PPP2R2B: variants seen among roughly 807,000 people sequenced by gnomAD.
The protein encoded by PPP2R2B is serine/threonine-protein phosphatase 2A 55 kDa regulatory subunit B beta isoform.
Under a neutral mutation model 46.0 loss-of-function variants are expected in PPP2R2B, and 5 were observed. The observed-to-expected ratio is 0.11, with a 90% CI of 0.06 to 0.23. The LOEUF (loss-of-function observed/expected upper bound fraction) is 0.23. PPP2R2B is among the 10% of genes least tolerant of loss of function. The pLI is 1.00. For synonymous variants in PPP2R2B, 215 were observed against 206.7 expected, an observed-to-expected ratio of 1.04 and a Z score of -0.34; for missense variants, 367 against 575.0, an observed-to-expected ratio of 0.64 and a Z score of 3.70.
At chr5:146,703,860 T>A (rs977895543) in intron 2 of PPP2R2B, among the ~76,000 whole-genome samples, 1 of 152,204 alleles carries the variant, frequency 6.6e-6, no homozygotes, top group Non-Finnish European at 1.5e-5. Flanking sequence ...ATGCTATGTC[T>A]CCCTCAAGAA....
At chr5:146,853,627 C>A (rs1760479880) in intron 2 of PPP2R2B, among the ~76,000 whole-genome samples, 2 of 152,198 alleles carry the variant, frequency 1.3e-5, no homozygotes, top group South Asian at 4.1e-4. Flanking sequence ...TAGTACACTA[C>A]ATGGCACATA....
At chr5:146,690,977 G>A (rs899540561) in intron 5 of PPP2R2B, 151 bp downstream of exon 5, 2 of 611,196 alleles carry the variant, frequency 3.3e-6, no homozygotes, top group East Asian at 5.6e-5. Context: ...TTCTCCATCT[G>A]CCACCAGAGA....
At chr5:146,891,953 A>G (rs1164186323) in intron 1 of PPP2R2B, among the ~76,000 whole-genome samples, 1 of 152,186 alleles carries the variant, frequency 6.6e-6, no homozygotes, top group African/African-American at 2.4e-5. Flanking sequence ...GGGTCTTAAG[A>G]CACTACACAT....
At chr5:146,692,777 G>T (rs905808085) in intron 4 of PPP2R2B, among the ~76,000 whole-genome samples, 2 of 151,814 alleles carry the variant, frequency 1.3e-5, no homozygotes, top group African/African-American at 4.8e-5. Context: ...CTCTTGATCC[G>T]CCTGCCTCGG....
At chr5:146,939,382 C>T (rs1000796305) in intron 1 of PPP2R2B, among the ~76,000 whole-genome samples, 4 of 152,180 alleles carry the variant, frequency 2.6e-5, no homozygotes, top group African/African-American at 4.8e-5. Context: ...ATGCAAGTCA[C>T]GTTCAAGGTC....
chr5:146,949,500 T>C (rs149894211), intron 1 of PPP2R2B, among the ~76,000 whole-genome samples: 1,996 of 151,972 alleles, frequency 0.013, 36 homozygotes, highest in African/African-American at 0.046. Context: ...ATGGTTTTTA[T>C]CCAGACAGGC....
intron 2 of PPP2R2B, among the ~76,000 whole-genome samples, chr5:146,757,458 GA>G (rs1753903186): frequency 6.6e-6 from 1 of 152,150 alleles, no homozygotes; most frequent in Non-Finnish European, 1.5e-5. Flanking sequence ...CATACCAGCA[GA>G]GAACTACAAC....
intron 2 of PPP2R2B, among the ~76,000 whole-genome samples, chr5:146,859,073 C>T (rs1470071870): frequency 1.3e-5 from 2 of 152,008 alleles, no homozygotes; most frequent in East Asian, 1.9e-4. Flanking sequence ...TCTGATATTC[C>T]AATATCATAG....
chr5:147,000,177 C>G lies in PPP2R2B; in HGVS notation c.79+55488G>C, dbSNP rs1373538430. ...CTATTTATCACAAACTTTTGCATTA[C>G]TTTTGATTCTTCTAAATATGGCATT... On this transcript the variant is annotated intron_variant, in intron 1 of 8. Coordinates refer to the PPP2R2B transcript ENST00000336640. Among the ~76,000 whole-genome samples, 3 of 152,144 alleles carry G rather than the reference C, an allele frequency of 2.0e-5. No homozygotes were observed. The East Asian group carries it at 5.8e-4, about 29-fold the overall frequency.
chr5:146,990,632 A>G (rs1580764119), intron 1 of PPP2R2B, among the ~76,000 whole-genome samples: 1 of 152,290 alleles, frequency 6.6e-6, no homozygotes, highest in East Asian at 1.9e-4. Context: ...AATATAGGGG[A>G]AATGCTTCAT....
chr5:146,753,592 G>A (rs960517403), intron 2 of PPP2R2B, among the ~76,000 whole-genome samples: 3 of 152,114 alleles, frequency 2.0e-5, no homozygotes, highest in East Asian at 1.9e-4. Context: ...TGCCAGCCAA[G>A]GACACTTGGC....
chr5:147,049,760 G>A (rs1756712929), intron 1 of PPP2R2B, among the ~76,000 whole-genome samples: 1 of 152,166 alleles, frequency 6.6e-6, no homozygotes, highest in African/African-American at 2.4e-5. Flanking sequence ...AGTGGGAAGA[G>A]GCCTGCAAAG....
At chr5:146,742,793 T>C (rs927159324) in intron 2 of PPP2R2B, among the ~76,000 whole-genome samples, 2 of 152,122 alleles carry the variant, frequency 1.3e-5, no homozygotes, top group Non-Finnish European at 2.9e-5. Flanking sequence ...TAATTCAATA[T>C]GACTAGTGTC....
chr5:146,691,481 C>G (rs1034696688), intron 4 of PPP2R2B, among the ~76,000 whole-genome samples: 1 of 152,162 alleles, frequency 6.6e-6, no homozygotes, highest in Non-Finnish European at 1.5e-5. Context: ...GCTCTTAAAT[C>G]TATAGCTTAT....
intron 2 of PPP2R2B, among the ~76,000 whole-genome samples, chr5:146,873,681 G>A (rs1031069697): frequency 3.9e-5 from 6 of 151,982 alleles, no homozygotes; most frequent in Admixed American, 6.6e-5. Context: ...TCGCGACCTC[G>A]GCTCACTGCA....
chr5:146,804,473 CTGCTCTGATCCAT>C (rs1757054049), intron 2 of PPP2R2B, among the ~76,000 whole-genome samples: 2 of 152,134 alleles, frequency 1.3e-5, no homozygotes, highest in Non-Finnish European at 2.9e-5. Context: ...CCCTCTAACC[CTGCTCTGATCCAT>C]TGCCTTTTAA....
intron 1 of PPP2R2B, among the ~76,000 whole-genome samples, chr5:146,906,791 G>C (rs1255837590): frequency 6.6e-6 from 1 of 152,168 alleles, no homozygotes; most frequent in East Asian, 1.9e-4. Context: ...GGGCAGTACT[G>C]TTCTACCTCA....
intron 2 of PPP2R2B, among the ~76,000 whole-genome samples, chr5:146,708,419 G>A (rs922486647): frequency 3.3e-5 from 5 of 151,184 alleles, no homozygotes; most frequent in Non-Finnish European, 7.4e-5. Flanking sequence ...GTGTGTGTGT[G>A]TGTGTGTGTG....
intron 2 of PPP2R2B, among the ~76,000 whole-genome samples, chr5:146,839,727 C>G (rs140588248): frequency 6.6e-6 from 1 of 152,248 alleles, no homozygotes; most frequent in African/African-American, 2.4e-5. Flanking sequence ...ACAAACAAGT[C>G]TGAAAACTGG....
Sources: allele counts gnomAD v4.1 joint callset (sites outside exome capture counted in the v4.1 genomes callset), GRCh38; gene constraint gnomAD v4.1.1; transcripts MANE v1.5; gene names NCBI Gene and HGNC (gene_info 2026-07-23, HGNC 2026-07-21).